CTNNA2: variants seen among roughly 807,000 people sequenced by gnomAD.
CTNNA2 encodes catenin alpha-2.
Under a neutral mutation model 101.0 loss-of-function variants are expected in CTNNA2, and 42 were observed. The ratio of observed to expected loss-of-function variants is 0.42; its 90% CI spans 0.32 to 0.54. The LOEUF is 0.54. CTNNA2 is among the 20% of genes least tolerant of loss of function. The probability of loss-of-function intolerance (pLI) is 0.14; values close to 1 mark genes in which losing one functional copy is unlikely to be tolerated. For missense variants in CTNNA2, 871 were observed against 1,223.1 expected (o/e 0.71, Z 4.29); for synonymous variants, 450 against 456.4 (o/e 0.99, Z 0.18).
intron 7 of CTNNA2, among the ~76,000 whole-genome samples, chr2:79,981,965 G>T (rs1045806648): frequency 5.3e-5 from 8 of 151,690 alleles, no homozygotes; most frequent in Non-Finnish European, 1.2e-4. Flanking sequence ...AATAGAATAT[G>T]AACTTCAAAA....
intron 7 of CTNNA2, among the ~76,000 whole-genome samples, chr2:80,264,444 A>G (rs1672853010): frequency 6.6e-6 from 1 of 152,134 alleles, no homozygotes; most frequent in African/African-American, 2.4e-5. Context: ...GTAAAAATGT[A>G]TTAGAAGTTA....
At chr2:80,118,082 C>T (rs1355680403) in intron 7 of CTNNA2, among the ~76,000 whole-genome samples, 2 of 152,300 alleles carry the variant, frequency 1.3e-5, no homozygotes, top group South Asian at 2.1e-4. Flanking sequence ...TCTCTCTCAA[C>T]AGTTACCTAT....
intron 7 of CTNNA2, among the ~76,000 whole-genome samples, chr2:80,033,628 T>G (rs749592990): frequency 1.3e-5 from 2 of 152,060 alleles, no homozygotes; most frequent in African/African-American, 2.4e-5. Flanking sequence ...ATCAGACACA[T>G]TAGTTCTGAA....
intron 7 of CTNNA2, among the ~76,000 whole-genome samples, chr2:80,121,961 C>T (rs1301683700): frequency 2.6e-5 from 4 of 152,076 alleles, no homozygotes; most frequent in Non-Finnish European, 4.4e-5. Context: ...TGTTGGGTGG[C>T]GAGGCTGTGG....
At chr2:80,546,782 T>C (rs1374654326) in intron 11 of CTNNA2, among the ~76,000 whole-genome samples, 1 of 152,240 alleles carries the variant, frequency 6.6e-6, no homozygotes, top group Non-Finnish European at 1.5e-5. Context: ...TTTTTCCAAA[T>C]GCTTTTGACC....
At chr2:79,977,474 G>T (rs1315592343) in intron 7 of CTNNA2, among the ~76,000 whole-genome samples, 1 of 151,920 alleles carries the variant, frequency 6.6e-6, no homozygotes, top group Non-Finnish European at 1.5e-5. Context: ...CAGCCCAGAA[G>T]GTCAACAGCA....
chr2:79,285,519 G>A lies in CTNNA2; in HGVS notation c.-405-27190G>A, dbSNP rs1300605549. 1.5e-3 allele frequency among the ~76,000 whole-genome samples: 208 copies of A among 140,390 alleles called. 2 individuals carry two copies. The highest frequency in any genetic ancestry group is 4.4e-3 in the African/African-American group (161 of 36,846). The allele number at this position is 140,390 out of a possible 152,430, so 92.1% of individuals were successfully genotyped here. On this transcript the variant is annotated intron_variant, in intron 2 of 21. Transcript: ENST00000466387. ...CCTTCATTTCGTTATGTACCCAGTA[G>A]TCATTCAGGAGCAGGTTGTTCAGTT...
rs144342036 is a variant in CTNNA2 at position 79,268,781 on chromosome 2, C to T, written c.-405-43928C>T. Reference sequence around the variant, plus strand: ...CCACACATGTGTACAGAAAAGTCTTCTGTGTTTATTCTTTTGGTGTGACAA... The same window carrying T: ...CCACACATGTGTACAGAAAAGTCTTTTGTGTTTATTCTTTTGGTGTGACAA... On this transcript the variant is annotated intron_variant, in intron 2 of 21. Transcript: ENST00000466387. 2.6e-3 allele frequency among the ~76,000 whole-genome samples: 391 copies of T among 152,200 alleles called. 3 individuals are homozygous for T. Among genetic ancestry groups the T allele is most frequent in the Middle Eastern group, 0.024 (7 of 294 alleles).
Position 79,958,775 on chromosome 2 carries a change from AT to A in CTNNA2, c.1056+48987del, listed in dbSNP as rs5832424. ...ACACTTTGTATGAAACATTGATCTC[AT>A]TTTTTTTTCTTTTCATAAGATTGGC... On this transcript the variant is annotated intron_variant, in intron 7 of 18. Coordinates refer to ENST00000402739, the MANE Select transcript of CTNNA2 (RefSeq NM_001282597.3). 3.3e-5 allele frequency among the ~76,000 whole-genome samples: 5 copies of A among 150,956 alleles called. No homozygotes were observed. The East Asian group carries it at 7.9e-4, about 24-fold the overall frequency.
chr2:80,568,600 A>G (rs567715058), intron 12 of CTNNA2, among the ~76,000 whole-genome samples: 20 of 146,366 alleles, frequency 1.4e-4, no homozygotes, highest in African/African-American at 5.2e-4. Context: ...TGTGTGTGAG[A>G]TTAGGATGCT....
intron 1 of CTNNA2, among the ~76,000 whole-genome samples, chr2:79,537,592 G>A (rs1029570324): frequency 2.6e-5 from 4 of 152,110 alleles, no homozygotes; most frequent in African/African-American, 9.7e-5. Context: ...AACCAAATCC[G>A]TCTTGGTAAT....
chr2:79,495,556 T>C (rs1243201441), intron 4 of CTNNA2, among the ~76,000 whole-genome samples: 1 of 152,184 alleles, frequency 6.6e-6, no homozygotes, highest in Non-Finnish European at 1.5e-5. Flanking sequence ...GAAAACAGTT[T>C]GTCATCTCCT....
intron 1 of CTNNA2, among the ~76,000 whole-genome samples, chr2:79,515,438 G>T (rs1671755955): frequency 6.6e-6 from 1 of 152,164 alleles, no homozygotes; most frequent in Non-Finnish European, 1.5e-5. Context: ...GTGGGGAGGT[G>T]GCAGCCCCTC....
intron 4 of CTNNA2, among the ~76,000 whole-genome samples, chr2:79,863,025 G>A (rs1385086588): frequency 6.6e-6 from 1 of 152,028 alleles, no homozygotes; most frequent in East Asian, 1.9e-4. Context: ...GTTCTCTGTA[G>A]CCCCTGATAG....
chr2:80,258,103 A>G (rs1162088272), intron 7 of CTNNA2, among the ~76,000 whole-genome samples: 1 of 152,210 alleles, frequency 6.6e-6, no homozygotes, highest in African/African-American at 2.4e-5. Flanking sequence ...ATATGTTTCT[A>G]ACAGATGGAT....
At chr2:79,971,362 A>C (rs572440366) in intron 7 of CTNNA2, among the ~76,000 whole-genome samples, 4 of 152,128 alleles carry the variant, frequency 2.6e-5, no homozygotes, top group Non-Finnish European at 5.9e-5. Flanking sequence ...GTTTATTAAT[A>C]GTTTCATATA....
intron 7 of CTNNA2, among the ~76,000 whole-genome samples, chr2:79,952,978 A>T (rs894250142): frequency 1.3e-5 from 2 of 152,230 alleles, no homozygotes; most frequent in African/African-American, 4.8e-5. Context: ...AGTCTTTCTG[A>T]TGCTGACAAG....
chr2:80,145,771 T>A (rs368400077), intron 7 of CTNNA2, among the ~76,000 whole-genome samples: 1 of 152,194 alleles, frequency 6.6e-6, no homozygotes, highest in East Asian at 1.9e-4. Flanking sequence ...TCATCAGCAA[T>A]CTAATGTGTA....
At chr2:79,982,369 AT>A (rs1286821980) in intron 7 of CTNNA2, among the ~76,000 whole-genome samples, 1 of 114,670 alleles carries the variant, frequency 8.7e-6, no homozygotes, top group African/African-American at 3.7e-5. Flanking sequence ...TATATAACAT[AT>A]ATATAACATA....
Sources: allele counts gnomAD v4.1 joint callset (sites outside exome capture counted in the v4.1 genomes callset), GRCh38; gene constraint gnomAD v4.1.1; transcripts MANE v1.5; gene names NCBI Gene and HGNC (gene_info 2026-07-23, HGNC 2026-07-21).